The following SLC25A26 variants were observed in gnomAD, a reference collection of about 807,000 sequenced individuals.
SLC25A26 encodes the protein mitochondrial S-adenosylmethionine carrier protein.
SLC25A26 carries 36 observed loss-of-function variants against 37.8 expected under a neutral mutation model. The observed-to-expected ratio is 0.95, with a 90% CI of 0.73 to 1.26. The LOEUF (loss-of-function observed/expected upper bound fraction) is 1.26. Ranked by LOEUF, SLC25A26 falls within the 50% of genes most tolerant of loss-of-function variation. The pLI is 0.00. For synonymous variants in SLC25A26, 129 were observed against 122.5 expected, an observed-to-expected ratio of 1.05 and a Z score of -0.35; for missense variants, 390 against 331.1, an observed-to-expected ratio of 1.18 and a Z score of -1.38.
chr3:66,354,174 T>C (rs573201741), intron 6 of SLC25A26, among the ~76,000 whole-genome samples: 3 of 152,180 alleles, frequency 2.0e-5, no homozygotes, highest in East Asian at 3.9e-4. Flanking sequence ...TTTTTTTCTA[T>C]TTTCTTAGTG....
At chr3:66,206,829 T>G (rs1265299179) in intron 1 of SLC25A26, among the ~76,000 whole-genome samples, 6 of 151,534 alleles carry the variant, frequency 4.0e-5, no homozygotes, top group African/African-American at 1.5e-4. Flanking sequence ...TCCTTCCACT[T>G]CAGCCTCTCA....
chr3:66,246,257 C>A (rs797030124), intron 3 of SLC25A26, among the ~76,000 whole-genome samples: 1 of 152,098 alleles, frequency 6.6e-6, no homozygotes, highest in African/African-American at 2.4e-5. Context: ...TTGTTGAGAG[C>A]AAGCAACAAA....
chr3:66,317,392 C>T (rs1245344145), intron 5 of SLC25A26, among the ~76,000 whole-genome samples: 1 of 152,048 alleles, frequency 6.6e-6, no homozygotes, highest in Non-Finnish European at 1.5e-5. Flanking sequence ...TGCTGGGGGT[C>T]CATTCTAGAC....
intron 1 of SLC25A26, among the ~76,000 whole-genome samples, chr3:66,194,716 G>A (rs893996783): frequency 6.6e-6 from 1 of 152,166 alleles, no homozygotes; most frequent in Non-Finnish European, 1.5e-5. Context: ...ATTCTCCTGA[G>A]TCAGCCTCCC....
chr3:66,257,463 C>T (rs962241558), intron 3 of SLC25A26, among the ~76,000 whole-genome samples: 2 of 152,168 alleles, frequency 1.3e-5, no homozygotes, highest in African/African-American at 2.4e-5. Flanking sequence ...GACCACTGCT[C>T]ATTCCTCCCT....
At chr3:66,173,893 A>G (rs2070536473) in intron 1 of SLC25A26, among the ~76,000 whole-genome samples, 1 of 152,068 alleles carries the variant, frequency 6.6e-6, no homozygotes, top group African/African-American at 2.4e-5. Context: ...TCTACTAAAA[A>G]CACAAAAAAA....
intron 5 of SLC25A26, among the ~76,000 whole-genome samples, chr3:66,343,298 A>G (rs1391207078): frequency 6.6e-6 from 1 of 152,210 alleles, no homozygotes; most frequent in East Asian, 1.9e-4. Context: ...TACAATTTTG[A>G]CTTGAAGAAT....
intron 1 of SLC25A26, among the ~76,000 whole-genome samples, chr3:66,179,473 G>A (rs1029424176): frequency 2.6e-5 from 4 of 152,122 alleles, no homozygotes; most frequent in Non-Finnish European, 5.9e-5. Context: ...AATTTAAAGA[G>A]TATATCTAAT....
chr3:66,216,147 C>T (rs1169141467), upstream of SLC25A26, among the ~76,000 whole-genome samples: 3 of 152,198 alleles, frequency 2.0e-5, no homozygotes, highest in African/African-American at 7.2e-5. Context: ...CCTCTTATCA[C>T]ACTGGCGATT....
intron 1 of SLC25A26, among the ~76,000 whole-genome samples, chr3:66,141,939 G>A (rs930767503): frequency 6.6e-6 from 1 of 152,244 alleles, no homozygotes; most frequent in Non-Finnish European, 1.5e-5. Flanking sequence ...CTATCAATAT[G>A]TAGTTCAACA....
chr3:66,238,881 G>C (rs1479160862), intron 2 of SLC25A26, among the ~76,000 whole-genome samples: 1 of 152,108 alleles, frequency 6.6e-6, no homozygotes, highest in Non-Finnish European at 1.5e-5. Context: ...GGGGAGGCAA[G>C]AGAAGCAGGC....
intron 5 of SLC25A26, among the ~76,000 whole-genome samples, chr3:66,268,225 C>G (rs1365896164): frequency 6.6e-6 from 1 of 152,142 alleles, no homozygotes; most frequent in Non-Finnish European, 1.5e-5. Flanking sequence ...TGATGCTGTT[C>G]CTGTGTTATT....
intron 1 of SLC25A26, among the ~76,000 whole-genome samples, chr3:66,214,803 A>G (rs1295735898): frequency 1.9e-4 from 29 of 152,058 alleles, no homozygotes; most frequent in Admixed American, 1.8e-3. Flanking sequence ...TTTGAGACAT[A>G]GAAGATGTTT....
intron 5 of SLC25A26, among the ~76,000 whole-genome samples, chr3:66,344,355 C>T (rs900420587): frequency 3.3e-5 from 5 of 151,838 alleles, no homozygotes; most frequent in African/African-American, 7.3e-5. Context: ...CCCAACTACT[C>T]GGGAGGCTGA....
chr3:66,225,713 T>TCACCTCTAGGATGCTTTGC (rs2071714017), intron 1 of SLC25A26, among the ~76,000 whole-genome samples: 1 of 152,186 alleles, frequency 6.6e-6, no homozygotes, highest in Admixed American at 6.5e-5. Flanking sequence ...TTATGCTTTG[T>TCACCTCTAGGATGCTTTGC]CACCTCTAGG....
chr3:66,295,054 A>T (rs1464682600), intron 5 of SLC25A26, among the ~76,000 whole-genome samples: 6 of 152,192 alleles, frequency 3.9e-5, no homozygotes, highest in African/African-American at 7.2e-5. Context: ...GATACAGAAT[A>T]AAAAAAGTTG....
chr3:66,339,034 T>C (rs2107708841), intron 5 of SLC25A26, among the ~76,000 whole-genome samples: 1 of 152,214 alleles, frequency 6.6e-6, no homozygotes. Flanking sequence ...CAGGCTGGGA[T>C]GCAAGTGTCT....
chr3:66,272,793 T>G (rs530716792), intron 5 of SLC25A26, among the ~76,000 whole-genome samples: 3 of 152,274 alleles, frequency 2.0e-5, no homozygotes, highest in African/African-American at 7.2e-5. Context: ...TTTGTTTCTC[T>G]TGCCTAATTG....
chr3:66,266,856 T>C (rs2073773056), intron 5 of SLC25A26, among the ~76,000 whole-genome samples: 1 of 152,200 alleles, frequency 6.6e-6, no homozygotes, highest in Non-Finnish European at 1.5e-5. Context: ...TGAGATGCTA[T>C]TGGCCTGAAA....
Sources: allele counts gnomAD v4.1 joint callset (sites outside exome capture counted in the v4.1 genomes callset), GRCh38; gene constraint gnomAD v4.1.1; transcripts MANE v1.5; gene names NCBI Gene and HGNC (gene_info 2026-07-23, HGNC 2026-07-21).